OSBPL10: variants seen among roughly 807,000 people sequenced by gnomAD.
OSBPL10 encodes the protein oxysterol binding protein like 10, also known as oxysterol-binding protein-related protein 10.
A neutral mutation model predicts 81.7 loss-of-function variants in OSBPL10; 49 were observed. The ratio of observed to expected loss-of-function variants is 0.60; its 90% CI spans 0.48 to 0.76. The LOEUF (loss-of-function observed/expected upper bound fraction) is 0.76. Among genes scored for constraint, OSBPL10 ranks in the 30% least tolerant of loss-of-function variants. The pLI is 0.00. For synonymous variants in OSBPL10, 419 were observed against 383.6 expected (o/e 1.09, Z -1.08); for missense variants, 923 against 987.8 (o/e 0.93, Z 0.88).
At chr3:31,859,732 T>C (rs1052936200) in intron 3 of OSBPL10, among the ~76,000 whole-genome samples, 2 of 152,180 alleles carry the variant, frequency 1.3e-5, no homozygotes, top group African/African-American at 4.8e-5. Flanking sequence ...CCCAGGCTCC[T>C]TAAGTTTATT....
At chr3:31,914,105 G>C (rs989675726) in intron 1 of OSBPL10, among the ~76,000 whole-genome samples, 3 of 152,096 alleles carry the variant, frequency 2.0e-5, no homozygotes, top group Non-Finnish European at 4.4e-5. Flanking sequence ...ATTTTTAGTA[G>C]AGACAGGGTT....
intron 1 of OSBPL10, among the ~76,000 whole-genome samples, chr3:31,949,859 C>G (rs1697819968): frequency 6.6e-6 from 1 of 151,988 alleles, no homozygotes; most frequent in South Asian, 2.1e-4. Flanking sequence ...CATTAAGAAC[C>G]TCCTGACCTG....
At chr3:31,902,411 T>C (rs955412928) in intron 1 of OSBPL10, among the ~76,000 whole-genome samples, 1 of 150,818 alleles carries the variant, frequency 6.6e-6, no homozygotes. Flanking sequence ...TACAGGTGGC[T>C]GCCACCACAC....
At chr3:32,074,929 G>A (rs1699861434) in intron 1 of OSBPL10, among the ~76,000 whole-genome samples, 1 of 152,158 alleles carries the variant, frequency 6.6e-6, no homozygotes, top group Non-Finnish European at 1.5e-5. Flanking sequence ...ACAAGCACAT[G>A]TACTCTAGTC....
rs187927878 is a variant in OSBPL10, at chr3:31,708,874, G to A, written c.1096-6366C>T. On this transcript the variant is annotated intron_variant, in intron 6 of 11. Transcript: ENST00000396556. ...TTGGTCAGAAGTCATGCCGAAGACA[G>A]AAGCTGTGGACACATGCCTTCAGCT... 44 of 985,462 alleles carry A rather than the reference G, an allele frequency of 4.5e-5. No individual in the cohort carries two copies. The African/African-American group carries it at 6.5e-4, about 14-fold the overall frequency. The allele number at this position is 985,462 out of a possible 1,614,324, so 61.0% of individuals were successfully genotyped here.
At chr3:31,970,492 G>A (rs922685373) in intron 1 of OSBPL10, among the ~76,000 whole-genome samples, 8 of 152,314 alleles carry the variant, frequency 5.3e-5, no homozygotes, top group South Asian at 4.1e-4. Flanking sequence ...ACAACTCTGC[G>A]CTTACATCCA....
chr3:31,833,711 A>ACG (rs1700304350), intron 3 of OSBPL10, among the ~76,000 whole-genome samples: 1 of 145,236 alleles, frequency 6.9e-6, no homozygotes, highest in Non-Finnish European at 1.5e-5. Flanking sequence ...ACACGCACAC[A>ACG]CACACACACA....
rs181840326 is a variant in OSBPL10, at chr3:32,044,579, T to C, written n.298+1912A>G. Among the ~76,000 whole-genome samples, 992 of 150,938 alleles carry C rather than the reference T, an allele frequency of 6.6e-3. 11 individuals are homozygous for C. Among genetic ancestry groups the C allele is most frequent in the African/African-American group, 0.023 (936 of 41,242 alleles). ...CCAACAGGAGAAACCCAGTCTCTAC[T>C]GAAAATACAAAATTAGTCAGGCGTG... On this transcript the variant is annotated intron_variant and non_coding_transcript_variant, in intron 2 of 3. Transcript: ENST00000479173.
chr3:31,839,343 T>G (rs1700437496), intron 3 of OSBPL10, among the ~76,000 whole-genome samples: 1 of 152,154 alleles, frequency 6.6e-6, no homozygotes, highest in African/African-American at 2.4e-5. Flanking sequence ...CAGCAAGTAT[T>G]TAATAAACAT....
Position 31,906,045 on chromosome 3 carries a change from T to C in OSBPL10, c.282-26215A>G, listed in dbSNP as rs77233871. ...TGGGGAGTGTCTCCTGCTAAGTTTCTTCGATTCCACAAACAACACCATAGT... is the reference window on the plus strand; with the variant it reads ...TGGGGAGTGTCTCCTGCTAAGTTTCCTCGATTCCACAAACAACACCATAGT... On this transcript the variant is annotated intron_variant, in intron 1 of 11. Coordinates refer to ENST00000396556, the MANE Select transcript of OSBPL10 (RefSeq NM_017784.5). Among the ~76,000 whole-genome samples, 66 of 152,304 alleles carry C rather than the reference T, an allele frequency of 4.3e-4. No individual in the cohort carries two copies. In the East Asian group the frequency reaches 0.012, roughly 29 times the overall value.
chr3:31,921,892 G>A (rs1696928396), intron 1 of OSBPL10, among the ~76,000 whole-genome samples: 1 of 152,192 alleles, frequency 6.6e-6, no homozygotes, highest in African/African-American at 2.4e-5. Context: ...CCCTTGATAT[G>A]ATGTGATAAA....
intron 1 of OSBPL10, among the ~76,000 whole-genome samples, chr3:31,924,432 A>G (rs1697012011): frequency 6.6e-6 from 1 of 152,062 alleles, no homozygotes; most frequent in African/African-American, 2.4e-5. Context: ...TCCAGAGAGT[A>G]GATTCAAGAC....
At chr3:31,900,316 C>T (rs1048075890) in intron 1 of OSBPL10, among the ~76,000 whole-genome samples, 2 of 152,148 alleles carry the variant, frequency 1.3e-5, no homozygotes, top group African/African-American at 2.4e-5. Context: ...GTGCTGCCAC[C>T]GCACCCAGCC....
chr3:31,947,229 T>C (rs898504243), intron 1 of OSBPL10, among the ~76,000 whole-genome samples: 4 of 152,066 alleles, frequency 2.6e-5, no homozygotes, highest in Non-Finnish European at 5.9e-5. Context: ...AGGGGAGACA[T>C]AGAGACCAGG....
At chr3:31,784,259 G>A (rs1698799761) in intron 4 of OSBPL10, among the ~76,000 whole-genome samples, 2 of 151,944 alleles carry the variant, frequency 1.3e-5, no homozygotes, top group Admixed American at 6.6e-5. Flanking sequence ...CTACTCAGGA[G>A]GCTGAGGCAT....
At chr3:31,728,398 G>C (rs986622498) in intron 6 of OSBPL10, among the ~76,000 whole-genome samples, 1 of 152,318 alleles carries the variant, frequency 6.6e-6, no homozygotes, top group South Asian at 2.1e-4. Context: ...CCTAAGGCCA[G>C]GGGTAGGTAT....
intron 4 of OSBPL10, among the ~76,000 whole-genome samples, chr3:31,783,864 GAATA>G (rs1208650225): frequency 0.014 from 845 of 59,196 alleles, 4 homozygotes; most frequent in Middle Eastern, 0.043. Context: ...ATATATGAAT[GAATA>G]AATAAAAATT....
chr3:31,710,211 T>TCATA (rs1433792006), intron 6 of OSBPL10, among the ~76,000 whole-genome samples: 1 of 152,054 alleles, frequency 6.6e-6, no homozygotes, highest in African/African-American at 2.4e-5. Context: ...GTACCACCTC[T>TCATA]CATATCTGAG....
At chr3:31,782,080 G>A (rs1341091552) in intron 4 of OSBPL10, among the ~76,000 whole-genome samples, 4 of 152,178 alleles carry the variant, frequency 2.6e-5, no homozygotes, top group Admixed American at 2.0e-4. Context: ...TACCAAAACA[G>A]CATGGTACTG....
Sources: gnomAD v4.1 joint callset for allele counts (sites outside exome capture counted in the v4.1 genomes callset) on GRCh38, gnomAD v4.1.1 for gene constraint, MANE v1.5 for transcripts, NCBI Gene and HGNC (gene_info 2026-07-23, HGNC 2026-07-21) for gene names.